Variants in HECTD4 observed in about 807,000 individuals in gnomAD.
The protein encoded by HECTD4 is probable E3 ubiquitin-protein ligase HECTD4.
HECTD4 carries 114 observed loss-of-function variants against 471.5 expected under a neutral mutation model. The ratio of observed to expected loss-of-function variants is 0.24; its 90% CI spans 0.21 to 0.28. HECTD4 has a LOEUF of 0.28. HECTD4 is among the 10% of genes least tolerant of loss of function. HECTD4 has a pLI of 1.00. For synonymous variants in HECTD4, 2,012 were observed against 2,256.0 expected (o/e 0.89, Z 3.07); for missense variants, 3,866 against 5,651.5 (o/e 0.68, Z 10.13).
intron 7 of HECTD4, among the ~76,000 whole-genome samples, chr12:112,285,340 C>T (rs1566098818): frequency 6.6e-6 from 1 of 152,136 alleles, no homozygotes; most frequent in Admixed American, 6.6e-5. Flanking sequence ...TATCCCTAGA[C>T]CTTCCAGAGA....
At chr12:112,250,437 T>C in intron 24 of HECTD4, 60 bp from the exon 25 acceptor site, 2 of 1,225,400 alleles carry the variant, frequency 1.6e-6, no homozygotes, top group Non-Finnish European at 2.4e-6. Flanking sequence ...TGGAAAGCTA[T>C]TGGATGTTTG....
Position 112,184,197 on chromosome 12 carries a change from G to A in HECTD4, c.10769C>T (p.Ala3590Val), listed in dbSNP as rs1348346553. The change falls in exon 61 of 76, where the codon GCA (alanine) becomes GTA (valine). Residue 3590 changes from alanine (A) to valine (V), a missense_variant. Around this residue, in one of 16 missense-constraint regions of HECTD4, gnomAD observed 715 missense variants for 1,087.6 expected, o/e 0.66. Coordinates refer to ENST00000682272, the MANE Select transcript of HECTD4 (RefSeq NM_001388303.1). The surrounding 1 kb of genome is among the most constrained non-coding windows in gnomAD (Gnocchi z 9.1). ...PLAARPIKGFAVVEIRSRAKI... is the reference protein window; with the variant it reads ...PLAARPIKGFVVVEIRSRAKI... ...CTTGAAAGCTGTTACCTCCACGACT[G>A]CGAAGCCTTTGATGGGGCGGGCGGC... The A allele has an allele frequency of 1.2e-6, 2 of 1,609,534 alleles. No homozygotes were observed. Among genetic ancestry groups the A allele is most frequent in the East Asian group, 2.2e-5 (1 of 44,824 alleles).
chr12:112,323,756 A>G (rs2035632268), intron 1 of HECTD4, among the ~76,000 whole-genome samples: 1 of 151,908 alleles, frequency 6.6e-6, no homozygotes, highest in Non-Finnish European at 1.5e-5. Context: ...ATGAATTAAT[A>G]ACATGTTAAA....
rs150614468 is a variant in HECTD4 at position 112,312,127 on chromosome 12, ACT to A, written c.916+888_916+889del. On this transcript the variant is annotated intron_variant, in intron 4 of 75. Transcript: ENST00000682272. ...GGAAATGAAAGGGAGGGAGGAACAG[ACT>A]CTCTGTCCCACACCTGATGAACACC... Among the ~76,000 whole-genome samples the A allele has an allele frequency of 8.0e-3, 1,223 of 151,980 alleles. 15 individuals are homozygous for A. Among genetic ancestry groups the A allele is most frequent in the African/African-American group, 0.028 (1,174 of 41,442 alleles).
chr12:112,184,411 G>C lies in HECTD4; in HGVS notation c.10555C>G (p.Pro3519Ala), dbSNP rs1477664703. Residue 3519 changes from proline to alanine, a missense_variant, in exon 61 of 76, where the codon CCC (proline) becomes GCC (alanine). By Grantham distance (27) the Pro-to-Ala change is conservative. This residue lies in a region of HECTD4 where 192 missense variants were observed against 189.9 expected (regional missense o/e 1.01). Transcript: ENST00000682272. This position sits in a 1 kb window ranked among gnomAD's most constrained non-coding sequence, Gnocchi z 9.1. ...GGCTCCAACAGGCCCGGAGGGATGGGCAGCTCGAGGCCGGCAGGCAGCGGA... is the reference window on the plus strand; with the variant it reads ...GGCTCCAACAGGCCCGGAGGGATGGCCAGCTCGAGGCCGGCAGGCAGCGGA... ...VDPLPAGLELPIPPGLLEPHA... is the reference protein window; with the variant it reads ...VDPLPAGLELAIPPGLLEPHA... 5.0e-6 allele frequency: 8 copies of C among 1,605,874 alleles called. No homozygotes were observed. The highest frequency in any genetic ancestry group is 5.9e-6 in the Non-Finnish European group (7 of 1,177,026).
At position 112,193,320 on chromosome 12, in the gene HECTD4, G is replaced by C. The variant is rs2032143670; in HGVS notation, c.8956-129C>G. 1 of 1,362,416 alleles carries C rather than the reference G, an allele frequency of 7.3e-7. No individual in the cohort carries two copies. Among genetic ancestry groups the C allele is most frequent in the South Asian group, 1.3e-5 (1 of 75,330 alleles). The allele number at this position is 1,362,416 out of a possible 1,614,324, so 84.4% of individuals were successfully genotyped here. On this transcript the variant is annotated intron_variant, in intron 57 of 75. Transcript: ENST00000682272. This position sits in a 1 kb window ranked among gnomAD's most constrained non-coding sequence, Gnocchi z 5.2. The stretch of plus-strand genomic sequence containing the variant: ...GCCCTCTGGAAGGAAGCAAGCTACA[G>C]ATGAGATAAAGCAGAAAAGCTTCTA...
chr12:112,169,364 G>T, intron 70 of HECTD4, 139 bp downstream of exon 70: 1 of 990,150 alleles, frequency 1.0e-6, no homozygotes, highest in Non-Finnish European at 1.4e-6. Context: ...GGCCACTCTG[G>T]GTGCAGACCT....
intron 62 of HECTD4, among the ~76,000 whole-genome samples, chr12:112,181,449 C>G (rs1418283852): frequency 6.6e-6 from 1 of 152,124 alleles, no homozygotes; most frequent in East Asian, 1.9e-4. Context: ...TCTGAGGGAA[C>G]ATTTCCAGAT....
At chr12:112,242,336 G>C (rs1024445549) in intron 32 of HECTD4, among the ~76,000 whole-genome samples, 3 of 152,204 alleles carry the variant, frequency 2.0e-5, no homozygotes, top group African/African-American at 7.2e-5. Flanking sequence ...AAAGCAGCCA[G>C]GTGTGGTGGC....
intron 45 of HECTD4, among the ~76,000 whole-genome samples, chr12:112,217,961 T>C (rs899540740): frequency 6.6e-6 from 1 of 152,106 alleles, no homozygotes; most frequent in Non-Finnish European, 1.5e-5. Context: ...CTCTATCAGA[T>C]AAAAGCAACT....
intron 34 of HECTD4, 141 bp downstream of exon 34, chr12:112,238,911 T>C (rs912016767): frequency 2.6e-6 from 2 of 770,024 alleles, no homozygotes; most frequent in South Asian, 2.2e-5. Context: ...AAGTCTCTCA[T>C]GAAATCATCC....
chr12:112,223,638 T>A (rs1024097190), intron 44 of HECTD4, among the ~76,000 whole-genome samples: 2 of 152,184 alleles, frequency 1.3e-5, no homozygotes, highest in Non-Finnish European at 2.9e-5. Flanking sequence ...CAGGCTGTTC[T>A]CAAACTGCTA....
At chr12:112,165,492 C>T (rs1037687139) in intron 72 of HECTD4, among the ~76,000 whole-genome samples, 2 of 151,584 alleles carry the variant, frequency 1.3e-5, no homozygotes, top group African/African-American at 4.8e-5. Context: ...GCTGGGACTA[C>T]AGGCGCCCGC....
At chr12:112,343,118 G>A (rs2036081829) in intron 1 of HECTD4, among the ~76,000 whole-genome samples, 1 of 152,104 alleles carries the variant, frequency 6.6e-6, no homozygotes. Context: ...CCAAAGACAT[G>A]TCAAATCTTT....
chr12:112,379,172 T>C (rs889987390), intron 1 of HECTD4, among the ~76,000 whole-genome samples: 1 of 152,148 alleles, frequency 6.6e-6, no homozygotes, highest in African/African-American at 2.4e-5. Flanking sequence ...CAAATAAAAA[T>C]ACTATACATG....
chr12:112,186,290 A>AAGG (rs2031858431), intron 60 of HECTD4, among the ~76,000 whole-genome samples: 1 of 143,638 alleles, frequency 7.0e-6, no homozygotes, highest in Non-Finnish European at 1.5e-5. Context: ...GTGCCTGGCC[A>AAGG]TGAGGCTGGC....
At position 112,226,485 on chromosome 12, in the gene HECTD4, C is replaced by T. The variant is rs1396797811; in HGVS notation, c.6970+158G>A. ...GATTAAAAGCTTTTTATTTACATTT[C>T]TAGGTCTGTGATGCACGTGAGTTGT... is the stretch of plus-strand genomic sequence containing the variant. On this transcript the variant is annotated intron_variant, in intron 44 of 75. Transcript: ENST00000682272. 3 of 450,084 alleles carry T rather than the reference C, an allele frequency of 6.7e-6. No individual in the cohort carries two copies. The East Asian group carries it at 9.6e-5, about 14-fold the overall frequency. 27.9% of individuals were successfully genotyped at this position (450,084 alleles called of 1,614,324 possible).
Position 112,185,276 on chromosome 12 carries a change from C to T in HECTD4, c.9690G>A (p.Trp3230Ter). Residue 3230 changes from tryptophan to a stop codon, truncating the protein, a stop_gained, in exon 61 of 76, where the codon TGG (tryptophan) becomes TGA (stop). Coordinates refer to ENST00000682272, the MANE Select transcript of HECTD4 (RefSeq NM_001388303.1). LOFTEE classifies it high-confidence loss of function. ...AGCCCCCGCAGGCGCCGCCTGAGAC[C>T]CAGTTCTGCGTCTCCTCGTCGTACA... ...HKLYDEETQN[W>*]VSGGACGGSG... 1 of 1,551,964 alleles carries T rather than the reference C, an allele frequency of 6.4e-7. No individual in the cohort carries two copies. The highest frequency in any genetic ancestry group is 8.7e-7 in the Non-Finnish European group (1 of 1,147,414).
At chr12:112,374,585 T>C (rs1045635442) in intron 1 of HECTD4, among the ~76,000 whole-genome samples, 5 of 152,212 alleles carry the variant, frequency 3.3e-5, no homozygotes, top group South Asian at 2.1e-4. Context: ...TGCTCATTAA[T>C]TGCATGGTAA....
Sources: gnomAD v4.1 joint callset for allele counts (sites outside exome capture counted in the v4.1 genomes callset) on GRCh38, gnomAD v4.1.1 for gene constraint, gnomAD v4.1.1 regional missense constraint, Gnocchi (gnomAD v3.1) non-coding constraint, MANE v1.5 for transcripts, NCBI Gene and HGNC (gene_info 2026-07-23, HGNC 2026-07-21) for gene names.